The following PDLIM5 variants were observed in gnomAD, a reference collection of about 807,000 sequenced individuals.
The protein encoded by PDLIM5 is PDZ and LIM domain protein 5.
PDLIM5 carries 34 observed loss-of-function variants against 64.2 expected under a neutral mutation model. The observed-to-expected ratio is 0.53, with a 90% CI of 0.40 to 0.71. PDLIM5 has a LOEUF of 0.71. Ranked by LOEUF, PDLIM5 falls within the 30% of genes least tolerant of loss-of-function variation. The pLI, the probability that PDLIM5 is intolerant of heterozygous loss-of-function variation, is 0.00. For missense variants in PDLIM5, 683 were observed against 733.6 expected, an observed-to-expected ratio of 0.93 and a Z score of 0.80; for synonymous variants, 253 against 269.1, an observed-to-expected ratio of 0.94 and a Z score of 0.59.
At chr4:94,504,195 T>G (rs1349977780) in intron 2 of PDLIM5, among the ~76,000 whole-genome samples, 1 of 152,232 alleles carries the variant, frequency 6.6e-6, no homozygotes, top group Non-Finnish European at 1.5e-5. Context: ...CATTTCATTT[T>G]ATAGCATTTT....
chr4:94,606,490 G>A (rs566179783), intron 7 of PDLIM5, among the ~76,000 whole-genome samples: 2 of 152,094 alleles, frequency 1.3e-5, no homozygotes, highest in African/African-American at 2.4e-5. Context: ...AGGCCAGGAG[G>A]GGGATAGAAG....
chr4:94,515,134 A>G (rs1427383749), intron 2 of PDLIM5, among the ~76,000 whole-genome samples: 3 of 152,172 alleles, frequency 2.0e-5, no homozygotes, highest in African/African-American at 2.4e-5. Context: ...TGATAGCCCT[A>G]AATAGAAATA....
chr4:94,636,700 A>T (rs1740598676), intron 8 of PDLIM5, among the ~76,000 whole-genome samples: 3 of 151,544 alleles, frequency 2.0e-5, no homozygotes, highest in South Asian at 4.2e-4. Context: ...CGCGCAGCTA[A>T]TTTTTTTTGT....
intron 3 of PDLIM5, among the ~76,000 whole-genome samples, chr4:94,530,614 G>C (rs1730786641): frequency 6.8e-6 from 1 of 148,020 alleles, no homozygotes; most frequent in Admixed American, 6.7e-5. Flanking sequence ...TAAAATTTTT[G>C]TTTCTTATTC....
intron 3 of PDLIM5, among the ~76,000 whole-genome samples, chr4:94,532,799 G>A (rs1423521777): frequency 6.6e-6 from 1 of 152,124 alleles, no homozygotes; most frequent in African/African-American, 2.4e-5. Flanking sequence ...AGGAGTTCAA[G>A]ACCAGCCTGA....
chr4:94,488,714 T>C (rs753350578), intron 2 of PDLIM5, among the ~76,000 whole-genome samples: 16 of 152,240 alleles, frequency 1.1e-4, no homozygotes, highest in Middle Eastern at 3.2e-3. Context: ...GTGTTTCTAC[T>C]TTTCGAGTCA....
At chr4:94,589,732 C>CTTTCTTTCT (rs1553964342) in intron 7 of PDLIM5, among the ~76,000 whole-genome samples, 2 of 148,544 alleles carry the variant, frequency 1.3e-5, no homozygotes, top group Admixed American at 6.8e-5. Context: ...CTCTTTCTTT[C>CTTTCTTTCT]TTTCTTTTCT....
At chr4:94,582,308 G>A (rs1735799254) in intron 5 of PDLIM5, among the ~76,000 whole-genome samples, 2 of 151,978 alleles carry the variant, frequency 1.3e-5, no homozygotes, top group Admixed American at 1.3e-4. Flanking sequence ...TCTGTCCTTT[G>A]TTAAGAACAT....
At chr4:94,603,559 G>A (rs1184113964) in intron 7 of PDLIM5, among the ~76,000 whole-genome samples, 1 of 152,166 alleles carries the variant, frequency 6.6e-6, no homozygotes, top group Non-Finnish European at 1.5e-5. Context: ...GAGTAGATGA[G>A]TTTATTAGGA....
chr4:94,540,593 G>C (rs951024531), intron 3 of PDLIM5, among the ~76,000 whole-genome samples: 2 of 152,170 alleles, frequency 1.3e-5, no homozygotes, highest in Admixed American at 6.5e-5. Flanking sequence ...AACTAATGAA[G>C]GCCTGGGCAC....
At chr4:94,469,808 C>T (rs1350008065) in intron 2 of PDLIM5, among the ~76,000 whole-genome samples, 1 of 152,060 alleles carries the variant, frequency 6.6e-6, no homozygotes, top group African/African-American at 2.4e-5. Context: ...AAAGGAATAA[C>T]TGTATAGCCT....
At chr4:94,567,440 A>G (rs1734437562) in intron 3 of PDLIM5, among the ~76,000 whole-genome samples, 1 of 152,150 alleles carries the variant, frequency 6.6e-6, no homozygotes, top group African/African-American at 2.4e-5. Flanking sequence ...AAAATCTATC[A>G]AGTAGAAGTA....
At chr4:94,526,734 C>CTTTTT (rs33968218) in intron 3 of PDLIM5, among the ~76,000 whole-genome samples, 1 of 147,246 alleles carries the variant, frequency 6.8e-6, no homozygotes, top group Non-Finnish European at 1.5e-5. Context: ...GCATTTCTTT[C>CTTTTT]TTTCTTTTTT....
chr4:94,587,452 A>G (rs1736325277), intron 7 of PDLIM5: 2 of 946,498 alleles, frequency 2.1e-6, no homozygotes, highest in Admixed American at 6.0e-5. Flanking sequence ...GTCCTTGTCT[A>G]ATTTGGAAAA....
intron 2 of PDLIM5, among the ~76,000 whole-genome samples, chr4:94,499,416 T>TTATA (rs1727701094): frequency 6.6e-6 from 1 of 152,146 alleles, no homozygotes; most frequent in African/African-American, 2.4e-5. Context: ...AAAATATATA[T>TTATA]TATATTAGTC....
intron 3 of PDLIM5, among the ~76,000 whole-genome samples, chr4:94,526,442 A>C (rs1730360478): frequency 6.6e-6 from 1 of 152,152 alleles, no homozygotes; most frequent in African/African-American, 2.4e-5. Context: ...AAGGACCCAA[A>C]CTATTAGGGA....
At chr4:94,629,314 ACTGTG>A (rs561438677) in intron 8 of PDLIM5, among the ~76,000 whole-genome samples, 171 of 152,248 alleles carry the variant, frequency 1.1e-3, no homozygotes, top group South Asian at 8.5e-3. Flanking sequence ...GCGCCACTGC[ACTGTG>A]CGAGACTCAG....
rs1224151389 is a variant in PDLIM5, at chr4:94,668,060, C to T, written c.*3993C>T. On this transcript the variant is annotated 3_prime_UTR_variant, in exon 13 of 13. Transcript: ENST00000317968. ...ATTTGGATTCTCAATGTATAAGTTGCCTTATCTGTTAATGTCTATCTTCTG... is the reference window on the plus strand; with the variant it reads ...ATTTGGATTCTCAATGTATAAGTTGTCTTATCTGTTAATGTCTATCTTCTG... 1 of 152,130 alleles carries T rather than the reference C, an allele frequency of 6.6e-6. No individual in the cohort carries two copies. Among genetic ancestry groups the T allele is most frequent in the Non-Finnish European group, 1.5e-5 (1 of 67,998 alleles). 9.4% of individuals were successfully genotyped at this position (152,130 alleles called of 1,614,324 possible). A position where few individuals can be genotyped will look rare whatever the true frequency, so the allele number is the denominator to read the frequency against.
intron 2 of PDLIM5, among the ~76,000 whole-genome samples, chr4:94,457,554 C>T (rs968318102): frequency 2.6e-5 from 4 of 152,064 alleles, no homozygotes; most frequent in African/African-American, 9.7e-5. Flanking sequence ...TAAATGCTTA[C>T]TTTTTTGCTG....
Sources: gnomAD v4.1 joint callset for allele counts (sites outside exome capture counted in the v4.1 genomes callset) on GRCh38, gnomAD v4.1.1 for gene constraint, MANE v1.5 for transcripts, NCBI Gene and HGNC (gene_info 2026-07-23, HGNC 2026-07-21) for gene names.